The following PSMD14 variants were observed in gnomAD, a reference collection of about 807,000 sequenced individuals.
PSMD14 encodes ubiquitin C-terminal hydrolase PSMD14.
Under a neutral mutation model 41.2 loss-of-function variants are expected in PSMD14, and 7 were observed. The ratio of observed to expected loss-of-function variants is 0.17; its 90% CI spans 0.10 to 0.32. The LOEUF (loss-of-function observed/expected upper bound fraction) is 0.32, where lower values mean the gene tolerates loss of function less well. PSMD14 is among the 10% of genes least tolerant of loss of function. The pLI is 1.00. For missense variants in PSMD14, 139 were observed against 375.6 expected (o/e 0.37, Z 5.21); for synonymous variants, 114 against 122.3 (o/e 0.93, Z 0.45).
chr2:161,364,759 C>T (rs991675611), intron 3 of PSMD14, among the ~76,000 whole-genome samples: 3 of 152,156 alleles, frequency 2.0e-5, no homozygotes, highest in African/African-American at 7.2e-5. Context: ...TTCTCTAGTT[C>T]TTGCCCACAG....
chr2:161,345,718 A>G (rs1282277302), intron 3 of PSMD14, among the ~76,000 whole-genome samples: 1 of 152,034 alleles, frequency 6.6e-6, no homozygotes, highest in Non-Finnish European at 1.5e-5. Context: ...CATTTGGACA[A>G]ATTTTGGTCA....
rs1316212854 is a variant in PSMD14 at position 161,334,537 on chromosome 2, TAA to T, written c.48+15665_48+15666del. 3.3e-5 allele frequency among the ~76,000 whole-genome samples: 5 copies of T among 152,204 alleles called. No individual in the cohort carries two copies. In the East Asian group the frequency reaches 9.6e-4, roughly 29 times the overall value. On this transcript the variant is annotated intron_variant, in intron 3 of 11. Coordinates refer to ENST00000409682, the MANE Select transcript of PSMD14 (RefSeq NM_005805.6). Reference sequence around the variant, plus strand: ...AAATTAAGTAAATTATTCAGTATATTAAGACATTTTTTAAAAAGTGCCTTCAG... The same window carrying T: ...AAATTAAGTAAATTATTCAGTATATTGACATTTTTTAAAAAGTGCCTTCAG...
In PSMD14 at chr2:161,362,739, A is replaced by G. The variant is rs371889810; in HGVS notation, c.49-4739A>G. ...TCAACCTGTGTTGCATTTTTTTCCC[A>G]GCAGGCTGTTTGGTTTCTCTACTCG... On this transcript the variant is annotated intron_variant, in intron 3 of 11. Coordinates refer to ENST00000409682, the MANE Select transcript of PSMD14 (RefSeq NM_005805.6). Among the ~76,000 whole-genome samples the G allele has an allele frequency of 1.9e-3, 296 of 152,296 alleles. 1 individual carries two copies. The highest frequency in any genetic ancestry group is 6.8e-3 in the Middle Eastern group (2 of 294).
At chr2:161,365,234 T>A (rs567865515) in intron 3 of PSMD14, among the ~76,000 whole-genome samples, 17 of 152,356 alleles carry the variant, frequency 1.1e-4, no homozygotes, top group African/African-American at 3.6e-4. Context: ...TGTTTCTGAA[T>A]CAGAAGAAAG....
At chr2:161,331,258 A>AT (rs61247163) in intron 3 of PSMD14, among the ~76,000 whole-genome samples, 10,017 of 143,184 alleles carry the variant, frequency 0.07, 439 homozygotes, top group East Asian at 0.18. Flanking sequence ...TGTCTTTGGA[A>AT]TTTTTTTTTT....
chr2:161,372,437 AATGTTTTCTGACATC>A (rs1396302170), intron 7 of PSMD14, among the ~76,000 whole-genome samples: 1 of 152,000 alleles, frequency 6.6e-6, no homozygotes, highest in Non-Finnish European at 1.5e-5. Flanking sequence ...TTTGAAGTTG[AATGTTTTCTGACATC>A]ATGTCATTAT....
At chr2:161,337,842 C>T (rs1682890861) in intron 3 of PSMD14, among the ~76,000 whole-genome samples, 1 of 152,198 alleles carries the variant, frequency 6.6e-6, no homozygotes, top group Non-Finnish European at 1.5e-5. Context: ...CTGTAGCCTG[C>T]ACAAGTTATT....
chr2:161,313,898 T>G (rs1689119963), intron 1 of PSMD14, among the ~76,000 whole-genome samples: 2 of 152,224 alleles, frequency 1.3e-5, no homozygotes, highest in Non-Finnish European at 2.9e-5. Flanking sequence ...ATGCATCACA[T>G]AAAATTTACT....
chr2:161,372,527 G>A (rs890084627), intron 7 of PSMD14, among the ~76,000 whole-genome samples: 13 of 151,846 alleles, frequency 8.6e-5, no homozygotes, highest in Non-Finnish European at 1.8e-4. Context: ...GCTTTTCAGA[G>A]GCAAAAACTA....
chr2:161,402,258 G>GAA (rs942634449), intron 10 of PSMD14, among the ~76,000 whole-genome samples: 3 of 152,094 alleles, frequency 2.0e-5, no homozygotes, highest in Admixed American at 6.5e-5. Context: ...ATGCATCAAA[G>GAA]AAAACTATTT....
chr2:161,384,524 T>A lies in PSMD14; in HGVS notation c.463-940T>A, dbSNP rs886403486. The A allele has an allele frequency of 3.9e-5, 4 of 101,560 alleles. No homozygotes were observed. In the Admixed American group the frequency reaches 4.5e-4, roughly 11 times the overall value. The allele number at this position is 101,560 out of a possible 1,614,324, so 6.3% of individuals were successfully genotyped here. A position where few individuals can be genotyped will look rare whatever the true frequency, so the allele number is the denominator to read the frequency against. On this transcript the variant is annotated intron_variant, in intron 7 of 11. Coordinates refer to ENST00000409682, the MANE Select transcript of PSMD14 (RefSeq NM_005805.6). ...TTGATAAATCTTAATCGTTCAGCAC[T>A]TTTAAAGGCAAAATATAGAAATACT...
chr2:161,330,622 C>T (rs1241247614), intron 3 of PSMD14, among the ~76,000 whole-genome samples: 1 of 152,122 alleles, frequency 6.6e-6, no homozygotes, highest in Non-Finnish European at 1.5e-5. Context: ...ACAACACAGA[C>T]TCAAGGTGGT....
chr2:161,345,236 C>CTTTTTTTTTTTT (rs869245727), intron 3 of PSMD14, among the ~76,000 whole-genome samples: 2 of 57,020 alleles, frequency 3.5e-5, no homozygotes, highest in African/African-American at 7.4e-5. Context: ...ATCTCTGTGT[C>CTTTTTTTTTTTT]TTTTTTTTTT....
At chr2:161,320,607 AATTTT>A (rs1682556335) in intron 3 of PSMD14, among the ~76,000 whole-genome samples, 1 of 151,886 alleles carries the variant, frequency 6.6e-6, no homozygotes, top group Non-Finnish European at 1.5e-5. Context: ...TTTTCTCTAA[AATTTT>A]ATTTTATCTT....
intron 3 of PSMD14, among the ~76,000 whole-genome samples, chr2:161,330,300 A>T (rs1009061521): frequency 1.3e-5 from 2 of 152,238 alleles, no homozygotes; most frequent in African/African-American, 4.8e-5. Context: ...GGTAGAAAGT[A>T]TATGGGAAAG....
At chr2:161,404,184 C>T (rs933513328) in intron 10 of PSMD14, among the ~76,000 whole-genome samples, 3 of 151,974 alleles carry the variant, frequency 2.0e-5, no homozygotes, top group Non-Finnish European at 2.9e-5. Context: ...GAGATTATTA[C>T]AGTTGTGAGC....
intron 10 of PSMD14, among the ~76,000 whole-genome samples, chr2:161,396,128 C>T (rs1574141296): frequency 6.6e-6 from 1 of 152,158 alleles, no homozygotes; most frequent in Admixed American, 6.5e-5. Context: ...AGGTTGCTGC[C>T]TTACAGATAA....
chr2:161,373,673 C>T (rs1683468335), intron 7 of PSMD14, among the ~76,000 whole-genome samples: 1 of 151,882 alleles, frequency 6.6e-6, no homozygotes, highest in Non-Finnish European at 1.5e-5. Flanking sequence ...ATTAAAATGA[C>T]ATTTTATATA....
At chr2:161,323,013 C>A (rs1682631767) in intron 3 of PSMD14, among the ~76,000 whole-genome samples, 1 of 152,140 alleles carries the variant, frequency 6.6e-6, no homozygotes, top group South Asian at 2.1e-4. Flanking sequence ...ATGTTTAAGT[C>A]TCCTGTATCC....
Sources: allele counts gnomAD v4.1 joint callset (sites outside exome capture counted in the v4.1 genomes callset), GRCh38; gene constraint gnomAD v4.1.1; transcripts MANE v1.5; gene names NCBI Gene and HGNC (gene_info 2026-07-23, HGNC 2026-07-21).